The following USP24 variants were observed in gnomAD, a reference collection of about 807,000 sequenced individuals.
The protein encoded by USP24 is ubiquitin carboxyl-terminal hydrolase 24.
USP24 carries 97 observed loss-of-function variants against 361.6 expected under a neutral mutation model. That is an observed-to-expected ratio of 0.27 (90% confidence interval 0.23 to 0.32). The LOEUF is 0.32. Among genes scored for constraint, USP24 ranks in the 10% least tolerant of loss-of-function variants. USP24 has a pLI of 1.00. For missense variants in USP24, 2,353 were observed against 3,165.6 expected (o/e 0.74, Z 6.16); for synonymous variants, 1,098 against 1,124.6 (o/e 0.98, Z 0.47).
intron 7 of USP24, among the ~76,000 whole-genome samples, chr1:55,163,850 T>G (rs936946436): frequency 1.3e-5 from 2 of 152,012 alleles, no homozygotes; most frequent in Non-Finnish European, 2.9e-5. Flanking sequence ...TTCATATACG[T>G]GAGCTCTGCA....
Position 55,096,701 on chromosome 1 carries a change from T to G in USP24, c.5937-79A>C, listed in dbSNP as rs915373210. The G allele has an allele frequency of 7.3e-6, 11 of 1,509,822 alleles. No homozygotes were observed. The Admixed American group carries it at 2.2e-4, about 31-fold the overall frequency. 93.5% of individuals were successfully genotyped at this position (1,509,822 alleles called of 1,614,324 possible). On this transcript the variant is annotated intron_variant, in intron 49 of 67. Coordinates refer to ENST00000294383, the MANE Select transcript of USP24 (RefSeq NM_015306.3). The stretch of plus-strand genomic sequence containing the variant: ...ATCCTTAGCATTGATCTCAATGTAT[T>G]GTCTACAAATAAAGCAGGTGTTTAC...
rs778914250 is a variant in USP24, at chr1:55,095,311, T to C, written c.6147A>G (p.Val2049=). The part of the protein sequence containing the change: ...YQRVSDQNSP[V]LPKKSRVSVV... ...CGCTGACTCGACTTTTCTTTGGTAA[T>C]ACTGGGGAGTTCTGATCAGACACCC... The change falls in exon 51 of 68, where the codon GTA becomes GTG. Residue 2049 remains valine, a synonymous_variant. Coordinates refer to ENST00000294383, the MANE Select transcript of USP24 (RefSeq NM_015306.3). 6.2e-7 allele frequency: 1 copy of C among 1,613,760 alleles called. No homozygotes were observed. Among genetic ancestry groups the C allele is most frequent in the South Asian group, 1.1e-5 (1 of 90,978 alleles).
At position 55,187,488 on chromosome 1, in the gene USP24, G is replaced by A. The variant is rs138133726; in HGVS notation, c.325-9356C>T. Among the ~76,000 whole-genome samples, 577 of 152,238 alleles carry A rather than the reference G, an allele frequency of 3.8e-3. 5 individuals carry two copies. The highest frequency in any genetic ancestry group is 0.013 in the African/African-American group (540 of 41,536). ...AAATAAAAGGCATTCAGATTAAAGA[G>A]GATGAAATAAAACTACTTCTATTCA... is the stretch of plus-strand genomic sequence containing the variant. On this transcript the variant is annotated intron_variant, in intron 1 of 67. Coordinates refer to ENST00000294383, the MANE Select transcript of USP24 (RefSeq NM_015306.3).
At chr1:55,206,026 C>A (rs1644693832) in intron 1 of USP24, among the ~76,000 whole-genome samples, 1 of 152,076 alleles carries the variant, frequency 6.6e-6, no homozygotes, top group African/African-American at 2.4e-5. Flanking sequence ...ACTGACTTGC[C>A]AAACAACAGC....
intron 58 of USP24, 49 bp downstream of exon 58, chr1:55,083,223 G>C (rs750745588): frequency 2.0e-5 from 32 of 1,562,838 alleles, no homozygotes; most frequent in Admixed American, 3.4e-5. Flanking sequence ...AAACACAGCG[G>C]CTATGAAAAC....
At chr1:55,101,218 A>G (rs1262084946) in intron 43 of USP24, among the ~76,000 whole-genome samples, 1 of 152,254 alleles carries the variant, frequency 6.6e-6, no homozygotes, top group Non-Finnish European at 1.5e-5. Context: ...AGCGTAGCCC[A>G]GTACACATGG....
In USP24 at chr1:55,107,841, CAAAAAAAA is replaced by C. The variant is rs777328294; in HGVS notation, c.4571-419_4571-412del. 5.4e-3 allele frequency among the ~76,000 whole-genome samples: 208 copies of C among 38,256 alleles called. 2 individuals are homozygous for C. The highest frequency in any genetic ancestry group is 0.019 in the African/African-American group (199 of 10,394). The allele number at this position is 38,256 out of a possible 152,430, so 25.1% of individuals were successfully genotyped here. On this transcript the variant is annotated intron_variant, in intron 39 of 67. Transcript: ENST00000294383. ...TGGGCAAAAGAGCAAGACTCTGTCT[CAAAAAAAA>C]AAAAAAAAAAAAAAAAACACACAAA...
At chr1:55,096,674 T>A in intron 49 of USP24, 52 bp from the exon 50 acceptor site, 1 of 1,576,896 alleles carries the variant, frequency 6.3e-7, no homozygotes, top group Non-Finnish European at 8.6e-7. Flanking sequence ...ATCAACCTCC[T>A]CATCCTTAGC....
chr1:55,198,712 ACCTACAGATCCAAGATCT>A (rs1644483207), intron 1 of USP24, among the ~76,000 whole-genome samples: 2 of 152,310 alleles, frequency 1.3e-5, no homozygotes, highest in East Asian at 3.9e-4. Context: ...GAAAATATTT[ACCTACAGATCCAAGATCT>A]CTTCTGGCTC....
chr1:55,125,202 A>C (rs1187745669), intron 34 of USP24, 118 bp downstream of exon 34: 2 of 928,452 alleles, frequency 2.2e-6, no homozygotes, highest in Non-Finnish European at 3.3e-6. Flanking sequence ...AGTCACCATA[A>C]ATTTCTTGAA....
At chr1:55,074,845 G>A (rs1644993661) in intron 63 of USP24, among the ~76,000 whole-genome samples, 1 of 151,952 alleles carries the variant, frequency 6.6e-6, no homozygotes, top group Non-Finnish European at 1.5e-5. Context: ...AACAGAAAAA[G>A]GCCCTAAATC....
At chr1:55,100,657 C>T (rs1219533297) in intron 44 of USP24, among the ~76,000 whole-genome samples, 182 bp downstream of exon 44, 4 of 152,110 alleles carry the variant, frequency 2.6e-5, no homozygotes, top group Non-Finnish European at 5.9e-5. Flanking sequence ...AATGACTATT[C>T]TCAACATTCT....
At position 55,134,159 on chromosome 1, in the gene USP24, T is replaced by A; in HGVS notation, c.3292A>T (p.Thr1098Ser). Residue 1098 changes from threonine to serine, a missense_variant, in exon 30 of 68, where the codon ACT becomes TCT. Thr to Ser is a moderately conservative substitution (Grantham distance 58, BLOSUM62 1). Transcript: ENST00000294383. ...QLANLEEPRI[T>S]LRVRKLLLLI... ...AGCAGAAGCTTCCGTACTCGTAGAG[T>A]TATCCTGAAGTTTTTCAAATACAAA... 1 of 1,613,354 alleles carries A rather than the reference T, an allele frequency of 6.2e-7. No homozygotes were observed. The highest frequency in any genetic ancestry group is 2.2e-5 in the East Asian group (1 of 44,858).
chr1:55,071,929 A>G lies in USP24; in HGVS notation c.7690-5T>C, dbSNP rs1229104413. 3 of 1,602,550 alleles carry G rather than the reference A, an allele frequency of 1.9e-6. No homozygotes were observed. The highest frequency in any genetic ancestry group is 2.3e-5 in the South Asian group (2 of 88,866). ...TGTGGCATACGCTAACGTGTCCTGC[A>G]GAAGATTCAAACACAAGACGACAAA... On this transcript the variant is annotated splice_region_variant and splice_polypyrimidine_tract_variant and intron_variant, in intron 66 of 67. Coordinates refer to ENST00000294383, the MANE Select transcript of USP24 (RefSeq NM_015306.3).
At chr1:55,186,450 G>C (rs1368229976) in intron 1 of USP24, among the ~76,000 whole-genome samples, 1 of 152,116 alleles carries the variant, frequency 6.6e-6, no homozygotes, top group Non-Finnish European at 1.5e-5. Context: ...GAAAGAAGAG[G>C]CTTGAGCAGA....
At chr1:55,172,616 A>G (rs927929206) in intron 3 of USP24, 96 bp from the exon 4 acceptor site, 10 of 1,323,832 alleles carry the variant, frequency 7.6e-6, no homozygotes, top group Middle Eastern at 2.0e-4. Flanking sequence ...AGAGATTATG[A>G]TGAAAATACT....
intron 8 of USP24, among the ~76,000 whole-genome samples, chr1:55,161,625 C>T (rs1001998530): frequency 1.3e-5 from 2 of 152,210 alleles, no homozygotes; most frequent in South Asian, 2.1e-4. Flanking sequence ...AGTATTTCAA[C>T]GTGACATTTT....
intron 48 of USP24, among the ~76,000 whole-genome samples, 187 bp from the exon 49 acceptor site, chr1:55,097,359 G>A (rs1645519962): frequency 6.6e-6 from 1 of 152,076 alleles, no homozygotes; most frequent in Admixed American, 6.5e-5. Context: ...TCTGGTTTGA[G>A]CCCTAAGGAA....
chr1:55,069,745 G>A (rs946630849), intron 67 of USP24, among the ~76,000 whole-genome samples: 11 of 151,208 alleles, frequency 7.3e-5, no homozygotes, highest in Non-Finnish European at 1.5e-4. Context: ...AGTCGCTTAT[G>A]CCTGTAATCC....
Sources: allele counts gnomAD v4.1 joint callset (sites outside exome capture counted in the v4.1 genomes callset), GRCh38; gene constraint gnomAD v4.1.1; transcripts MANE v1.5; gene names NCBI Gene and HGNC (gene_info 2026-07-23, HGNC 2026-07-21).